ZNF804A: variants seen among roughly 807,000 people sequenced by gnomAD.
ZNF804A encodes the protein zinc finger protein 804A.
ZNF804A carries 2 observed loss-of-function variants against 16.5 expected under a neutral mutation model. That is an observed-to-expected ratio of 0.12 (90% CI 0.05 to 0.38). ZNF804A has a LOEUF of 0.38. Ranked by LOEUF, ZNF804A falls within the 10% of genes least tolerant of loss-of-function variation. The pLI is 0.99. For missense variants in ZNF804A, 1,473 were observed against 1,390.7 expected (o/e 1.06, Z -0.94); for synonymous variants, 534 against 489.6 (o/e 1.09, Z -1.20).
chr2:184,938,718 G>A lies in ZNF804A; in HGVS notation c.3322G>A (p.Ala1108Thr), dbSNP rs112183442. The change falls in exon 4 of 4, where the codon GCA (alanine) becomes ACA (threonine). Residue 1108 changes from alanine (A) to threonine (T), a missense_variant. Ala to Thr is a moderately conservative substitution (Grantham distance 58). Transcript: ENST00000302277. The stretch of plus-strand genomic sequence containing the variant: ...TCACACTGTTTTGCAGCAGCACGCT[G>A]CAGCTGCTGCAGCTGCAGCTGCAGC... ...IHHTVLQQHA[A>T]AAAAAAAAAA... is the part of the protein sequence containing the mutation. 48,045 of 1,608,378 alleles carry A rather than the reference G, an allele frequency of 0.03. 886 individuals carry two copies. The highest frequency in any genetic ancestry group is 0.055 in the Middle Eastern group (332 of 6,046).
At chr2:184,747,326 A>C (rs1693804387) in intron 1 of ZNF804A, among the ~76,000 whole-genome samples, 1 of 148,540 alleles carries the variant, frequency 6.7e-6, no homozygotes, top group Admixed American at 6.7e-5. Context: ...TGCTGCAAAA[A>C]AAAAAAAAAA....
intron 1 of ZNF804A, among the ~76,000 whole-genome samples, chr2:184,721,317 A>C (rs1693310858): frequency 6.6e-6 from 1 of 152,160 alleles, no homozygotes; most frequent in Admixed American, 6.6e-5. Flanking sequence ...ACAACCTGTT[A>C]AATGGGAAAA....
chr2:184,785,058 C>A (rs2105775755), intron 1 of ZNF804A, among the ~76,000 whole-genome samples: 1 of 152,062 alleles, frequency 6.6e-6, no homozygotes, highest in East Asian at 1.9e-4. Flanking sequence ...CTCACATAAA[C>A]ATTTCTATTG....
chr2:184,781,837 A>G (rs1377927361), intron 1 of ZNF804A, among the ~76,000 whole-genome samples: 1 of 151,882 alleles, frequency 6.6e-6, no homozygotes, highest in Non-Finnish European at 1.5e-5. Context: ...TTAGTTTTCT[A>G]GGGCTGTCAT....
intron 1 of ZNF804A, among the ~76,000 whole-genome samples, chr2:184,661,549 T>C (rs1487686014): frequency 6.6e-6 from 1 of 152,160 alleles, no homozygotes; most frequent in East Asian, 1.9e-4. Flanking sequence ...TCCAGAGGTT[T>C]GTATGGGCTT....
intron 1 of ZNF804A, among the ~76,000 whole-genome samples, chr2:184,746,185 C>T (rs1158612205): frequency 6.6e-6 from 1 of 151,252 alleles, no homozygotes; most frequent in African/African-American, 2.4e-5. Context: ...TTTTGTGTTG[C>T]GAACATTTCA....
At chr2:184,642,387 T>C (rs1691808307) in intron 1 of ZNF804A, among the ~76,000 whole-genome samples, 1 of 152,162 alleles carries the variant, frequency 6.6e-6, no homozygotes, top group African/African-American at 2.4e-5. Context: ...TCCATGGATA[T>C]GATCTTATTT....
At chr2:184,624,613 C>T (rs573326255) in intron 1 of ZNF804A, among the ~76,000 whole-genome samples, 1 of 152,176 alleles carries the variant, frequency 6.6e-6, no homozygotes, top group South Asian at 2.1e-4. Flanking sequence ...CAGGTTGTAA[C>T]TAAAAAATGG....
chr2:184,799,002 G>A (rs1172219101), intron 1 of ZNF804A, among the ~76,000 whole-genome samples: 8 of 152,016 alleles, frequency 5.3e-5, no homozygotes. Context: ...TGCTGTCTCT[G>A]TTCTCGGTCT....
chr2:184,787,926 C>T (rs10195510), intron 1 of ZNF804A, among the ~76,000 whole-genome samples: 21,936 of 151,580 alleles, frequency 0.14, 1,721 homozygotes, highest in Middle Eastern at 0.25. Flanking sequence ...AGGCAAATGT[C>T]AAGGAGAGCT....
At chr2:184,876,591 C>T (rs1429776914) in intron 2 of ZNF804A, among the ~76,000 whole-genome samples, 1 of 152,074 alleles carries the variant, frequency 6.6e-6, no homozygotes, top group Non-Finnish European at 1.5e-5. Flanking sequence ...ATAAAAATGT[C>T]CTATTTTGAC....
At chr2:184,739,164 T>C (rs1216938888) in intron 1 of ZNF804A, among the ~76,000 whole-genome samples, 2 of 152,328 alleles carry the variant, frequency 1.3e-5, no homozygotes, top group East Asian at 1.9e-4. Context: ...GAAAGTTTTA[T>C]ATTAATTATA....
intron 1 of ZNF804A, among the ~76,000 whole-genome samples, chr2:184,621,495 C>T (rs923670367): frequency 6.6e-6 from 1 of 151,714 alleles, no homozygotes; most frequent in Non-Finnish European, 1.5e-5. Flanking sequence ...TTACACTATG[C>T]TACTAGAGAA....
At chr2:184,924,817 T>C (rs1035998457) in intron 2 of ZNF804A, among the ~76,000 whole-genome samples, 19 of 151,966 alleles carry the variant, frequency 1.3e-4, no homozygotes, top group African/African-American at 4.3e-4. Context: ...TTAAGGAGCA[T>C]ATTGTTTCAT....
At chr2:184,919,842 A>G (rs150157437) in intron 2 of ZNF804A, among the ~76,000 whole-genome samples, 8 of 152,278 alleles carry the variant, frequency 5.3e-5, no homozygotes, top group African/African-American at 1.9e-4. Context: ...TAGGCTGGTC[A>G]TGGTGGCTTA....
intron 1 of ZNF804A, among the ~76,000 whole-genome samples, chr2:184,619,579 T>C (rs1359145696): frequency 6.6e-6 from 1 of 152,046 alleles, no homozygotes; most frequent in African/African-American, 2.4e-5. Context: ...ACATTTCTTC[T>C]AAGTTAGTAT....
chr2:184,626,684 C>G (rs1373140547), intron 1 of ZNF804A, among the ~76,000 whole-genome samples: 1 of 152,100 alleles, frequency 6.6e-6, no homozygotes, highest in Non-Finnish European at 1.5e-5. Flanking sequence ...CCCCTAAACC[C>G]TCTGTGTCTT....
At chr2:184,925,670 T>A (rs993460143) in intron 2 of ZNF804A, among the ~76,000 whole-genome samples, 2 of 151,928 alleles carry the variant, frequency 1.3e-5, no homozygotes, top group African/African-American at 4.8e-5. Context: ...TCTTGGGTGA[T>A]GTGAATTAAT....
chr2:184,901,815 T>C (rs566545854), intron 2 of ZNF804A, among the ~76,000 whole-genome samples: 8 of 152,040 alleles, frequency 5.3e-5, no homozygotes, highest in Non-Finnish European at 1.0e-4. Flanking sequence ...TTAGAAATTG[T>C]TAGATAATAA....
Sources: gnomAD v4.1 joint callset for allele counts (sites outside exome capture counted in the v4.1 genomes callset) on GRCh38, gnomAD v4.1.1 for gene constraint, MANE v1.5 for transcripts, NCBI Gene and HGNC (gene_info 2026-07-23, HGNC 2026-07-21) for gene names.